The following ST6GALNAC5 variants were observed in gnomAD, a reference collection of about 807,000 sequenced individuals.
ST6GALNAC5 encodes the protein alpha-N-acetylgalactosaminide alpha-2,6-sialyltransferase 5.
ST6GALNAC5 carries 27 observed loss-of-function variants against 33.6 expected under a neutral mutation model. That is an observed-to-expected ratio of 0.80 (90% confidence interval 0.59 to 1.11). ST6GALNAC5 has a LOEUF of 1.11. ST6GALNAC5 is among the 50% of genes least tolerant of loss of function. The pLI is 0.00. For missense variants in ST6GALNAC5, 428 were observed against 454.0 expected (o/e 0.94, Z 0.52); for synonymous variants, 194 against 171.2 (o/e 1.13, Z -1.04).
At position 76,899,460 on chromosome 1, in the gene ST6GALNAC5, C is replaced by T. The variant is rs182882476; in HGVS notation, c.261+30718C>T. Among the ~76,000 whole-genome samples the T allele has an allele frequency of 3.5e-3, 532 of 151,982 alleles. 4 individuals carry two copies. Among genetic ancestry groups the T allele is most frequent in the African/African-American group, 0.012 (482 of 41,450 alleles). On this transcript the variant is annotated intron_variant, in intron 2 of 4. Transcript: ENST00000477717. Reference sequence around the variant, plus strand: ...ATAAGAGGTCGGGGCACAGAAATAACGGATGGGGGCACAGAGACAAGAGGT... The same window carrying T: ...ATAAGAGGTCGGGGCACAGAAATAATGGATGGGGGCACAGAGACAAGAGGT...
chr1:77,015,012 T>C (rs1361072628), intron 2 of ST6GALNAC5, among the ~76,000 whole-genome samples: 1 of 151,260 alleles, frequency 6.6e-6, no homozygotes, highest in Non-Finnish European at 1.5e-5. Flanking sequence ...TAGTCGGAAT[T>C]CTCCAGAGAA....
At chr1:76,877,874 G>A (rs1372634596) in intron 2 of ST6GALNAC5, among the ~76,000 whole-genome samples, 1 of 152,252 alleles carries the variant, frequency 6.6e-6, no homozygotes, top group Non-Finnish European at 1.5e-5. Context: ...ATTGCTTCTA[G>A]TGGGCCTTAT....
At chr1:76,913,007 C>G (rs1646930219) in intron 2 of ST6GALNAC5, among the ~76,000 whole-genome samples, 2 of 152,148 alleles carry the variant, frequency 1.3e-5, no homozygotes, top group East Asian at 3.9e-4. Context: ...CAGTTTCTTC[C>G]TAGTCTCCAT....
In ST6GALNAC5 at chr1:76,868,815, C is replaced by T. The variant is rs753898241; in HGVS notation, c.261+73C>T. On this transcript the variant is annotated intron_variant, in intron 2 of 4. Transcript: ENST00000477717. The surrounding 1 kb of genome is among the most constrained non-coding windows in gnomAD (Gnocchi z 4.3). ...GCACACCTGAGCCTTCCCCCTTTCC[C>T]GGGGCTGGGAGGCGCTGTGAGTAGG... The T allele has an allele frequency of 1.3e-5, 18 of 1,430,702 alleles. No homozygotes were observed. Among genetic ancestry groups the T allele is most frequent in the Non-Finnish European group, 1.5e-5 (17 of 1,098,404 alleles). 88.6% of individuals were successfully genotyped at this position (1,430,702 alleles called of 1,614,324 possible). A position where few individuals can be genotyped will look rare whatever the true frequency, so the allele number is the denominator to read the frequency against.
At chr1:76,873,234 G>A (rs1239683776) in intron 2 of ST6GALNAC5, among the ~76,000 whole-genome samples, 1 of 152,152 alleles carries the variant, frequency 6.6e-6, no homozygotes. Context: ...CAGTCATCAG[G>A]TCACATGTCA....
chr1:76,973,567 G>A (rs1415864167), intron 2 of ST6GALNAC5, among the ~76,000 whole-genome samples: 1 of 151,960 alleles, frequency 6.6e-6, no homozygotes, highest in Non-Finnish European at 1.5e-5. Flanking sequence ...AATAATGTTT[G>A]ACCAAATATC....
In ST6GALNAC5 at chr1:76,929,838, T is replaced by TG. The variant is rs558607644; in HGVS notation, c.261+61096_261+61097insG. Among the ~76,000 whole-genome samples the TG allele has an allele frequency of 2.3e-3, 351 of 152,038 alleles. 1 individual carries two copies. The highest frequency in any genetic ancestry group is 6.2e-3 in the African/African-American group (256 of 41,486). On this transcript the variant is annotated intron_variant, in intron 2 of 4. Transcript: ENST00000477717. The stretch of plus-strand genomic sequence containing the variant: ...ATATTATTAAAACTGGGGCCAGGAG[T>TG]AGGGGCTCATGCCTGTAATCCCAGC...
At chr1:77,022,377 G>GAT (rs1651087946) in intron 2 of ST6GALNAC5, among the ~76,000 whole-genome samples, 1 of 152,136 alleles carries the variant, frequency 6.6e-6, no homozygotes, top group Non-Finnish European at 1.5e-5. Flanking sequence ...TTTCTCATTT[G>GAT]AAGTTTGTAC....
chr1:76,875,270 G>A (rs941847225), intron 2 of ST6GALNAC5, among the ~76,000 whole-genome samples: 5 of 152,160 alleles, frequency 3.3e-5, no homozygotes, highest in Admixed American at 3.3e-4. Context: ...AGTGACCCAA[G>A]CCTTCATTCC....
intron 2 of ST6GALNAC5, among the ~76,000 whole-genome samples, chr1:76,923,515 A>G (rs1647055093): frequency 6.6e-6 from 1 of 152,100 alleles, no homozygotes; most frequent in Non-Finnish European, 1.5e-5. Context: ...CAACATGGTG[A>G]AACCCCGTCT....
At chr1:77,059,890 A>G (rs549340161) in intron 4 of ST6GALNAC5, among the ~76,000 whole-genome samples, 9 of 152,126 alleles carry the variant, frequency 5.9e-5, no homozygotes, top group African/African-American at 2.2e-4. Flanking sequence ...TCATGGACTC[A>G]TGGATATTTA....
At chr1:76,886,315 T>C (rs1281927167) in intron 2 of ST6GALNAC5, among the ~76,000 whole-genome samples, 1 of 152,218 alleles carries the variant, frequency 6.6e-6, no homozygotes, top group Non-Finnish European at 1.5e-5. Flanking sequence ...CTTTTTTTTG[T>C]ACTTGATAAG....
intron 2 of ST6GALNAC5, among the ~76,000 whole-genome samples, chr1:76,902,548 GA>G (rs1204239099): frequency 6.6e-6 from 1 of 152,096 alleles, no homozygotes; most frequent in Non-Finnish European, 1.5e-5. Context: ...AATTCATATG[GA>G]ATTGCAGGGG....
At chr1:76,876,703 T>A (rs1000411895) in intron 2 of ST6GALNAC5, among the ~76,000 whole-genome samples, 1 of 152,180 alleles carries the variant, frequency 6.6e-6, no homozygotes, top group African/African-American at 2.4e-5. Flanking sequence ...TGCTCAAAGT[T>A]CTGCCCACTG....
intron 2 of ST6GALNAC5, among the ~76,000 whole-genome samples, chr1:76,891,680 CTA>C (rs1431662242): frequency 4.6e-5 from 7 of 152,026 alleles, no homozygotes; most frequent in African/African-American, 1.4e-4. Flanking sequence ...AGAATTATTC[CTA>C]TGTTTTCTTC....
At chr1:76,912,319 T>C (rs1244500021) in intron 2 of ST6GALNAC5, among the ~76,000 whole-genome samples, 1 of 152,180 alleles carries the variant, frequency 6.6e-6, no homozygotes, top group Non-Finnish European at 1.5e-5. Flanking sequence ...TTCTTTTACA[T>C]TTGCTGAGGG....
intron 2 of ST6GALNAC5, among the ~76,000 whole-genome samples, chr1:77,043,241 T>A (rs1485081913): frequency 6.6e-6 from 1 of 152,280 alleles, no homozygotes; most frequent in Non-Finnish European, 1.5e-5. Context: ...CGTAATTACA[T>A]TATCTTCAAA....
intron 2 of ST6GALNAC5, among the ~76,000 whole-genome samples, chr1:76,914,002 A>T (rs1302424733): frequency 6.6e-6 from 1 of 152,172 alleles, no homozygotes; most frequent in East Asian, 1.9e-4. Flanking sequence ...AAGTCTCAGG[A>T]AACAAAATCA....
chr1:76,926,711 T>C (rs755016362), intron 2 of ST6GALNAC5, among the ~76,000 whole-genome samples: 99 of 152,196 alleles, frequency 6.5e-4, no homozygotes, highest in Non-Finnish European at 1.1e-3. Context: ...AGAAGAGGAA[T>C]TAGTGGTTCA....
Sources: gnomAD v4.1 joint callset for allele counts (sites outside exome capture counted in the v4.1 genomes callset) on GRCh38, gnomAD v4.1.1 for gene constraint, Gnocchi (gnomAD v3.1) non-coding constraint, MANE v1.5 for transcripts, NCBI Gene and HGNC (gene_info 2026-07-23, HGNC 2026-07-21) for gene names.